Variants in CSMD1 observed in about 807,000 individuals in gnomAD.
CSMD1 encodes CUB and sushi domain-containing protein 1.
A neutral mutation model predicts 417.5 loss-of-function variants in CSMD1; 213 were observed. The observed-to-expected ratio is 0.51, with a 90% CI of 0.46 to 0.57. CSMD1 has a LOEUF of 0.57. Ranked by LOEUF, CSMD1 falls within the 20% of genes least tolerant of loss-of-function variation. CSMD1 has a pLI of 0.00. For missense variants in CSMD1, 6,923 were observed against 4,529.7 expected (o/e 1.53, Z -15.17); for synonymous variants, 2,862 against 1,736.8 (o/e 1.65, Z -16.11).
At chr8:4,952,675 G>T (rs1336212057) in intron 1 of CSMD1, among the ~76,000 whole-genome samples, 1 of 151,992 alleles carries the variant, frequency 6.6e-6, no homozygotes, top group East Asian at 1.9e-4. Flanking sequence ...AAATCTATCA[G>T]AAGCAAAACA....
intron 1 of CSMD1, among the ~76,000 whole-genome samples, chr8:4,847,673 T>C (rs1801220269): frequency 6.6e-6 from 1 of 152,146 alleles, no homozygotes; most frequent in Admixed American, 6.5e-5. Flanking sequence ...CCTTAAGCTC[T>C]TCAATGACTA....
At chr8:3,659,799 G>C (rs953224824) in intron 7 of CSMD1, among the ~76,000 whole-genome samples, 2 of 152,172 alleles carry the variant, frequency 1.3e-5, no homozygotes, top group South Asian at 2.1e-4. Flanking sequence ...AATAGAACTG[G>C]GAAGTAAAAC....
At chr8:3,794,202 G>A (rs1261355688) in intron 5 of CSMD1, among the ~76,000 whole-genome samples, 1 of 152,166 alleles carries the variant, frequency 6.6e-6, no homozygotes, top group Non-Finnish European at 1.5e-5. Flanking sequence ...ACTGGTTTAA[G>A]GGGAGGGGTT....
chr8:4,350,307 G>C (rs922874760), intron 3 of CSMD1, among the ~76,000 whole-genome samples: 1 of 152,072 alleles, frequency 6.6e-6, no homozygotes. Flanking sequence ...GTCTACTTGA[G>C]GTCTAACAGG....
At chr8:3,835,233 A>T (rs1802612033) in intron 5 of CSMD1, among the ~76,000 whole-genome samples, 1 of 151,628 alleles carries the variant, frequency 6.6e-6, no homozygotes, top group Non-Finnish European at 1.5e-5. Flanking sequence ...TACCCAAAGG[A>T]TTATAAATCA....
chr8:4,493,087 G>T (rs1175345165), intron 2 of CSMD1, among the ~76,000 whole-genome samples: 1 of 152,088 alleles, frequency 6.6e-6, no homozygotes, highest in South Asian at 2.1e-4. Context: ...GCTTATAAAA[G>T]TATACTGAAC....
At chr8:3,339,104 C>A (rs7002790) in intron 23 of CSMD1, among the ~76,000 whole-genome samples, 1 of 150,638 alleles carries the variant, frequency 6.6e-6, no homozygotes, top group African/African-American at 2.4e-5. Flanking sequence ...TTTGTTCTTG[C>A]GATAGTTTAC....
intron 3 of CSMD1, among the ~76,000 whole-genome samples, chr8:4,391,760 T>C (rs554552574): frequency 9.9e-5 from 15 of 152,234 alleles, no homozygotes; most frequent in African/African-American, 3.4e-4. Flanking sequence ...TCTTCCACCA[T>C]AGGGCTTTCC....
chr8:3,270,119 G>A lies in CSMD1; in HGVS notation c.4153+14025C>T, dbSNP rs547248798. Among the ~76,000 whole-genome samples the A allele has an allele frequency of 2.4e-5, 3 of 125,206 alleles. No individual in the cohort carries two copies. The East Asian group carries it at 7.0e-4, about 29-fold the overall frequency. 82.1% of individuals were successfully genotyped at this position (125,206 alleles called of 152,430 possible). Reference sequence around the variant, plus strand: ...GGGCGAAGTACAGTGGCACTGTCTTGGCCCACTGCAACCTCTGCCTCCCGG... The same window carrying A: ...GGGCGAAGTACAGTGGCACTGTCTTAGCCCACTGCAACCTCTGCCTCCCGG... On this transcript the variant is annotated intron_variant, in intron 26 of 69. Coordinates refer to ENST00000635120, the MANE Select transcript of CSMD1 (RefSeq NM_033225.6).
intron 10 of CSMD1, among the ~76,000 whole-genome samples, chr8:3,520,076 T>C (rs981004541): frequency 2.7e-5 from 4 of 149,110 alleles, no homozygotes; most frequent in African/African-American, 2.5e-5. Context: ...ACAGTAATAA[T>C]AGTAAAATTC....
chr8:3,904,012 C>G (rs953711806), intron 5 of CSMD1, among the ~76,000 whole-genome samples: 1 of 151,336 alleles, frequency 6.6e-6, no homozygotes, highest in East Asian at 1.9e-4. Context: ...GTCCTATCTG[C>G]CTATCTAGGT....
At chr8:3,678,067 C>A (rs918640231) in intron 7 of CSMD1, among the ~76,000 whole-genome samples, 1 of 152,050 alleles carries the variant, frequency 6.6e-6, no homozygotes, top group Non-Finnish European at 1.5e-5. Flanking sequence ...TCAAAGATGG[C>A]TGAATAGGAA....
At position 3,942,557 on chromosome 8, in the gene CSMD1, C is replaced by G. The variant is rs77605717; in HGVS notation, c.818+55346G>C. Among the ~76,000 whole-genome samples the G allele has an allele frequency of 3.2e-3, 488 of 152,238 alleles. 1 individual carries two copies. Among genetic ancestry groups the G allele is most frequent in the African/African-American group, 8.5e-3 (353 of 41,548 alleles). On this transcript the variant is annotated intron_variant, in intron 5 of 69. Coordinates refer to ENST00000635120, the MANE Select transcript of CSMD1 (RefSeq NM_033225.6). The stretch of plus-strand genomic sequence containing the variant: ...CCGGTGCATGAGGACTGAAAATGTG[C>G]TCAGTTCAGCTTCACAGAGAGATAG...
At chr8:3,513,903 A>G (rs1390945103) in intron 10 of CSMD1, among the ~76,000 whole-genome samples, 2 of 152,234 alleles carry the variant, frequency 1.3e-5, no homozygotes, top group African/African-American at 4.8e-5. Flanking sequence ...TAACCACAGA[A>G]TAATTCAGGC....
At chr8:3,550,103 C>T (rs997824183) in intron 10 of CSMD1, among the ~76,000 whole-genome samples, 9 of 152,058 alleles carry the variant, frequency 5.9e-5, no homozygotes, top group East Asian at 1.9e-4. Context: ...AGCACAGAGC[C>T]GATAAAAAAG....
At chr8:3,601,805 C>G (rs998604346) in intron 8 of CSMD1, among the ~76,000 whole-genome samples, 3 of 152,190 alleles carry the variant, frequency 2.0e-5, no homozygotes, top group Non-Finnish European at 2.9e-5. Flanking sequence ...TTTAAAAACT[C>G]TTCAGAATCT....
intron 3 of CSMD1, among the ~76,000 whole-genome samples, chr8:4,226,711 G>C (rs954201325): frequency 2.7e-5 from 4 of 149,186 alleles, no homozygotes; most frequent in Admixed American, 1.3e-4. Flanking sequence ...CTTTAAAAAA[G>C]AAAAAAAAAT....
intron 3 of CSMD1, among the ~76,000 whole-genome samples, chr8:4,339,367 T>A (rs1004160822): frequency 2.0e-4 from 30 of 152,108 alleles, no homozygotes; most frequent in African/African-American, 7.2e-4. Context: ...AAATAATGAA[T>A]CTATTTTTTA....
intron 5 of CSMD1, among the ~76,000 whole-genome samples, chr8:3,764,123 G>A (rs1798144956): frequency 6.6e-6 from 1 of 152,122 alleles, no homozygotes; most frequent in Non-Finnish European, 1.5e-5. Flanking sequence ...GGCGACCAAA[G>A]CAGGGCTCAG....
Sources: gnomAD v4.1 joint callset for allele counts (sites outside exome capture counted in the v4.1 genomes callset) on GRCh38, gnomAD v4.1.1 for gene constraint, MANE v1.5 for transcripts, NCBI Gene and HGNC (gene_info 2026-07-23, HGNC 2026-07-21) for gene names.